DNAAF5: variants seen among roughly 807,000 people sequenced by gnomAD.
DNAAF5 encodes the protein dynein axonemal assembly factor 5.
A neutral mutation model predicts 75.8 loss-of-function variants in DNAAF5; 64 were observed. The ratio of observed to expected loss-of-function variants is 0.84; its 90% CI spans 0.69 to 1.04. The LOEUF (loss-of-function observed/expected upper bound fraction) is 1.04. Among genes scored for constraint, DNAAF5 ranks in the 50% least tolerant of loss-of-function variants. The probability of loss-of-function intolerance (pLI) is 0.00; values close to 1 mark genes in which losing one functional copy is unlikely to be tolerated. For synonymous variants in DNAAF5, 657 were observed against 557.2 expected (o/e 1.18, Z -2.52); for missense variants, 1,269 against 1,178.5 (o/e 1.08, Z -1.12).
At chr7:767,344 T>G (rs1203568317) in intron 8 of DNAAF5, among the ~76,000 whole-genome samples, 1 of 151,996 alleles carries the variant, frequency 6.6e-6, no homozygotes, top group Non-Finnish European at 1.5e-5. Context: ...AAGGTGCTTT[T>G]GGAAAGCCGT....
At chr7:751,960 G>A (rs1193246968) in intron 4 of DNAAF5, among the ~76,000 whole-genome samples, 1 of 152,154 alleles carries the variant, frequency 6.6e-6, no homozygotes. Flanking sequence ...ATTCTCGTGG[G>A]CGTGCAAAGG....
intron 11 of DNAAF5, among the ~76,000 whole-genome samples, chr7:776,186 A>G (rs1778755348): frequency 6.6e-6 from 1 of 152,148 alleles, no homozygotes; most frequent in Non-Finnish European, 1.5e-5. Context: ...AAATAAAAAA[A>G]TTAGCTGGAC....
At chr7:780,479 G>T (rs1436871209) in intron 12 of DNAAF5, among the ~76,000 whole-genome samples, 13 of 152,232 alleles carry the variant, frequency 8.5e-5, no homozygotes, top group Non-Finnish European at 1.5e-5. Flanking sequence ...CTGCAAGAAC[G>T]ATTTTTGCAA....
Position 774,091 on chromosome 7 carries a change from GC to G in DNAAF5, c.1980del (p.Asn661IlefsTer42). The G allele has an allele frequency of 6.2e-7, 1 of 1,613,874 alleles. No individual in the cohort carries two copies. Among genetic ancestry groups the G allele is most frequent in the Non-Finnish European group, 8.5e-7 (1 of 1,180,010 alleles). On this transcript the variant is annotated frameshift_variant, in exon 10 of 13. Coordinates refer to ENST00000297440, the MANE Select transcript of DNAAF5 (RefSeq NM_017802.4). LOFTEE classifies it high-confidence loss of function. ...YLETVTKDIL[A>X]PNLQWHAGRT... Reference sequence around the variant, plus strand: ...CGAGACGGTGACAAAGGACATCCTGGCCCCCAATCTGCAGTGGCATGCGGGG... The same window carrying G: ...CGAGACGGTGACAAAGGACATCCTGGCCCCAATCTGCAGTGGCATGCGGGG...
intron 6 of DNAAF5, among the ~76,000 whole-genome samples, chr7:757,805 C>T (rs983021205): frequency 6.6e-6 from 1 of 152,204 alleles, no homozygotes; most frequent in Admixed American, 6.5e-5. Flanking sequence ...CCATGCAGGG[C>T]GGGCCTCAGC....
chr7:739,628 C>T (rs763822920), intron 2 of DNAAF5, among the ~76,000 whole-genome samples: 10 of 152,324 alleles, frequency 6.6e-5, no homozygotes, highest in African/African-American at 2.2e-4. Flanking sequence ...GCACGGGCAG[C>T]GGGAGTCAGG....
In DNAAF5 at chr7:740,964, G is replaced by A. The variant is rs770414654; in HGVS notation, c.905+21G>A. The A allele has an allele frequency of 1.6e-5, 26 of 1,609,762 alleles. 1 individual carries two copies. The highest frequency in any genetic ancestry group is 3.3e-4 in the Middle Eastern group (2 of 6,074). On this transcript the variant is annotated intron_variant, in intron 3 of 12. Coordinates refer to ENST00000297440, the MANE Select transcript of DNAAF5 (RefSeq NM_017802.4). The stretch of plus-strand genomic sequence containing the variant: ...GTCAGGTACGTGGGCAGGCGGCCGC[G>A]GGCCTTGTCTTCCTAAACGGTCATG...
chr7:753,714 T>G (rs1030359813), intron 4 of DNAAF5, among the ~76,000 whole-genome samples: 1 of 145,628 alleles, frequency 6.9e-6, no homozygotes, highest in African/African-American at 2.6e-5. Flanking sequence ...CGTGTCTCTC[T>G]CATATGGGGA....
chr7:758,721 C>T (rs201721727), intron 6 of DNAAF5, among the ~76,000 whole-genome samples: 1 of 152,014 alleles, frequency 6.6e-6, no homozygotes, highest in East Asian at 1.9e-4. Context: ...CTTGCTCTGT[C>T]ACCCAGGCTA....
At chr7:784,706 G>C (rs1053379038) in intron 12 of DNAAF5, among the ~76,000 whole-genome samples, 5 of 152,168 alleles carry the variant, frequency 3.3e-5, no homozygotes, top group Non-Finnish European at 5.9e-5. Flanking sequence ...CCTGGCCCGT[G>C]GGAGGTTTGC....
chr7:751,106 G>A (rs768339986), intron 4 of DNAAF5, among the ~76,000 whole-genome samples: 24 of 152,060 alleles, frequency 1.6e-4, no homozygotes, highest in Admixed American at 1.4e-3. Context: ...AGCTGAGATC[G>A]CACCATTGCA....
chr7:764,223 G>T (rs751390079), intron 8 of DNAAF5, among the ~76,000 whole-genome samples: 4 of 152,254 alleles, frequency 2.6e-5, no homozygotes, highest in Non-Finnish European at 5.9e-5. Flanking sequence ...AACCTTCAAA[G>T]TGTGCTTTTC....
At chr7:741,777 T>C (rs1261877230) in intron 4 of DNAAF5, among the ~76,000 whole-genome samples, 3 of 152,180 alleles carry the variant, frequency 2.0e-5, no homozygotes, top group Non-Finnish European at 4.4e-5. Flanking sequence ...CCCCCTCCGT[T>C]GGCTGTGCAC....
chr7:774,112 G>A lies in DNAAF5; in HGVS notation c.1996G>A (p.Ala666Thr), dbSNP rs750935190. The change falls in exon 10 of 13, where the codon GCG becomes ACG. Residue 666 changes from alanine to threonine, a missense_variant. Physicochemically the swap from Ala to Thr is moderately conservative, Grantham distance 58. Transcript: ENST00000297440. Reference protein sequence around the residue: ...DILAPNLQWHAGRTAAAIRTA... With the variant: ...DILAPNLQWHTGRTAAAIRTA... ...CCTGGCCCCCAATCTGCAGTGGCAT[G>A]CGGGGAGGACAGCCGCGGCCATCCG... is the stretch of plus-strand genomic sequence containing the variant. The A allele has an allele frequency of 1.4e-4, 230 of 1,613,412 alleles. 1 individual carries two copies. The highest frequency in any genetic ancestry group is 1.8e-4 in the Non-Finnish European group (213 of 1,179,994).
intron 2 of DNAAF5, among the ~76,000 whole-genome samples, chr7:735,350 T>G (rs1473667051): frequency 6.6e-6 from 1 of 152,034 alleles, no homozygotes; most frequent in Non-Finnish European, 1.5e-5. Flanking sequence ...GTGTAGCTGC[T>G]CATGGTGTCG....
chr7:750,903 C>T (rs1166637623), intron 4 of DNAAF5: 2 of 166,634 alleles, frequency 1.2e-5, no homozygotes, highest in Non-Finnish European at 1.5e-5. Flanking sequence ...TGCAGCTGGG[C>T]GTGGTGGCGC....
intron 12 of DNAAF5, among the ~76,000 whole-genome samples, chr7:781,408 T>G (rs1020006836): frequency 1.3e-5 from 2 of 152,154 alleles, no homozygotes; most frequent in East Asian, 3.8e-4. Context: ...ACGTTTTCCT[T>G]CTCCCTTCAT....
intron 8 of DNAAF5, among the ~76,000 whole-genome samples, chr7:767,284 T>C (rs1050728001): frequency 3.6e-5 from 2 of 55,222 alleles, no homozygotes; most frequent in Non-Finnish European, 8.2e-5. Context: ...TCTTCATTTA[T>C]CCAATTAAGT....
chr7:728,084 G>T (rs1284420375), intron 1 of DNAAF5, among the ~76,000 whole-genome samples: 1 of 152,088 alleles, frequency 6.6e-6, no homozygotes, highest in African/African-American at 2.4e-5. Flanking sequence ...GTGGAAGGAG[G>T]CCGCTTCTCC....
Sources: gnomAD v4.1 joint callset for allele counts (sites outside exome capture counted in the v4.1 genomes callset) on GRCh38, gnomAD v4.1.1 for gene constraint, MANE v1.5 for transcripts, NCBI Gene and HGNC (gene_info 2026-07-23, HGNC 2026-07-21) for gene names.